ABI2: variants seen among roughly 807,000 people sequenced by gnomAD.
The protein encoded by ABI2 is abl interactor 2, also known as abelson interactor 2.
ABI2 carries 25 observed loss-of-function variants against 59.2 expected under a neutral mutation model. The ratio of observed to expected loss-of-function variants is 0.42; its 90% CI spans 0.31 to 0.59. ABI2 has a LOEUF of 0.59. ABI2 is among the 20% of genes least tolerant of loss of function. The pLI is 0.14. For missense variants in ABI2, 545 were observed against 681.8 expected (o/e 0.80, Z 2.23); for synonymous variants, 213 against 235.5 (o/e 0.90, Z 0.87).
chr2:203,355,770 G>C (rs1559201700), intron 1 of ABI2, among the ~76,000 whole-genome samples: 1 of 147,596 alleles, frequency 6.8e-6, no homozygotes, highest in Non-Finnish European at 1.5e-5. Flanking sequence ...GGCAGAGGTT[G>C]CTGTGAGCCG....
intron 11 of ABI2, among the ~76,000 whole-genome samples, chr2:203,420,692 C>T (rs149243173): frequency 3.4e-4 from 51 of 152,048 alleles, no homozygotes; most frequent in African/African-American, 1.0e-3. Context: ...CACGCCCAGC[C>T]GACAGTCCCT....
At position 203,359,198 on chromosome 2, in the gene ABI2, C is replaced by A. The variant is rs533371800; in HGVS notation, c.118-7679C>A. Among the ~76,000 whole-genome samples the A allele has an allele frequency of 4.3e-4, 65 of 152,288 alleles. 1 individual carries two copies. The South Asian group carries it at 7.2e-3, about 17-fold the overall frequency. On this transcript the variant is annotated intron_variant, in intron 1 of 11. Coordinates refer to ENST00000261018, the MANE Select transcript of ABI2 (RefSeq NM_001375670.1). ...CTTTTTAATCAAGATGCTTCTGAGACAAATGTGATCTGCTATGACAGATTA... is the reference window on the plus strand; with the variant it reads ...CTTTTTAATCAAGATGCTTCTGAGAAAAATGTGATCTGCTATGACAGATTA...
chr2:203,421,663 A>C (rs2098212076), intron 11 of ABI2, among the ~76,000 whole-genome samples: 1 of 152,180 alleles, frequency 6.6e-6, no homozygotes, highest in Admixed American at 6.5e-5. Context: ...AGCAGTACTT[A>C]AGATTAGAAA....
chr2:203,416,993 C>G lies in ABI2; in HGVS notation c.1365C>G (p.Tyr455Ter). 6.2e-7 allele frequency: 1 copy of G among 1,614,042 alleles called. No individual in the cohort carries two copies. The highest frequency in any genetic ancestry group is 8.5e-7 in the Non-Finnish European group (1 of 1,179,982). ...SPPPPPPPED[Y>*]EEEEAAVVEY... ...CACCTCCTCCTCCTCCAGAAGATTA[C>G]GAAGAGGAGGAAGCTGCTGTGGTTG... Residue 455 changes from tyrosine (Y) to a stop codon, truncating the protein, a stop_gained, in exon 11 of 12, where the codon TAC (tyrosine) becomes TAG (stop). Transcript: ENST00000261018. LOFTEE classifies it high-confidence loss of function.
At chr2:203,345,035 G>A (rs1165516431) in intron 1 of ABI2, among the ~76,000 whole-genome samples, 2 of 152,170 alleles carry the variant, frequency 1.3e-5, no homozygotes, top group Non-Finnish European at 2.9e-5. Flanking sequence ...CTGGCTGCCG[G>A]AGCCCGCAGT....
At chr2:203,378,214 G>A (rs538310016) in intron 2 of ABI2, among the ~76,000 whole-genome samples, 4 of 151,418 alleles carry the variant, frequency 2.6e-5, no homozygotes, top group Admixed American at 6.6e-5. Flanking sequence ...CTGGGTTCAC[G>A]CCATTCTCCT....
Position 203,413,816 on chromosome 2 carries a change from TC to T in ABI2, c.1279+2447del, listed in dbSNP as rs552648175. The stretch of plus-strand genomic sequence containing the variant: ...TCCAGGTATATTATTTTGAAGATAT[TC>T]CTTGGTAGCAAATACTCACTCTGCA... On this transcript the variant is annotated intron_variant, in intron 10 of 11. Coordinates refer to ENST00000261018, the MANE Select transcript of ABI2 (RefSeq NM_001375670.1). Among the ~76,000 whole-genome samples the T allele has an allele frequency of 2.1e-3, 327 of 152,336 alleles. 2 individuals are homozygous for T. The highest frequency in any genetic ancestry group is 7.3e-3 in the African/African-American group (305 of 41,574).
chr2:203,353,586 T>G (rs1322927940), intron 1 of ABI2, among the ~76,000 whole-genome samples: 1 of 151,678 alleles, frequency 6.6e-6, no homozygotes, highest in African/African-American at 2.4e-5. Flanking sequence ...CTCAAGTGAT[T>G]CTCCTGCCTC....
intron 4 of ABI2, among the ~76,000 whole-genome samples, chr2:203,386,055 T>C (rs768897142): frequency 6.6e-6 from 1 of 152,230 alleles, no homozygotes; most frequent in Admixed American, 6.5e-5. Flanking sequence ...TTTGGTCCTT[T>C]TCCTGGTGTC....
At chr2:203,356,054 T>C (rs1182872007) in intron 1 of ABI2, among the ~76,000 whole-genome samples, 6 of 152,224 alleles carry the variant, frequency 3.9e-5, no homozygotes, top group South Asian at 2.1e-4. Flanking sequence ...ATAGTTTTTT[T>C]TCTCTCTCTC....
intron 11 of ABI2, 78 bp downstream of exon 11, chr2:203,417,159 CT>C: frequency 8.1e-7 from 1 of 1,241,118 alleles, no homozygotes; most frequent in African/African-American, 1.5e-5. Flanking sequence ...TGAAGAGAAT[CT>C]TATTTTCTAC....
chr2:203,423,724 T>A (rs2098319665), intron 11 of ABI2, among the ~76,000 whole-genome samples: 1 of 152,184 alleles, frequency 6.6e-6, no homozygotes, highest in Admixed American at 6.5e-5. Flanking sequence ...CCCAGCCCAA[T>A]CTGGGTCCTT....
chr2:203,328,722 A>C (rs924752456), intron 1 of ABI2, 91 bp downstream of exon 1: 201 of 786,988 alleles, frequency 2.6e-4, no homozygotes, highest in Non-Finnish European at 3.4e-4. Flanking sequence ...CCTCGGGGAC[A>C]CGGCCCAGCG....
chr2:203,329,299 C>G (rs1450092376), intron 1 of ABI2: 1 of 81,170 alleles, frequency 1.2e-5, no homozygotes, highest in Non-Finnish European at 3.8e-5. Context: ...CAGACTATGA[C>G]TGTTTCTTAG....
chr2:203,386,554 AC>A, intron 4 of ABI2: 2 of 567,432 alleles, frequency 3.5e-6, no homozygotes, highest in South Asian at 7.8e-5. Context: ...ATAGAGAAAA[AC>A]CAGCTCAGGT....
intron 8 of ABI2, among the ~76,000 whole-genome samples, chr2:203,400,448 G>A (rs2097175823): frequency 6.6e-6 from 1 of 152,144 alleles, no homozygotes; most frequent in South Asian, 2.1e-4. Flanking sequence ...TAATCCAGAT[G>A]TTTTTAACTT....
chr2:203,356,976 G>C (rs1487074280), intron 1 of ABI2, among the ~76,000 whole-genome samples: 1 of 151,950 alleles, frequency 6.6e-6, no homozygotes, highest in Non-Finnish European at 1.5e-5. Flanking sequence ...GAATGTTAAA[G>C]GCAAATGAGT....
At chr2:203,372,913 G>A (rs2095385611) in intron 2 of ABI2, among the ~76,000 whole-genome samples, 1 of 152,106 alleles carries the variant, frequency 6.6e-6, no homozygotes, top group Admixed American at 6.6e-5. Context: ...TGGGCGGCTG[G>A]GCAGAGACGC....
rs547311469 is a variant in ABI2, at chr2:203,346,481, G to C, written c.117+17850G>C. On this transcript the variant is annotated intron_variant, in intron 1 of 11. Coordinates refer to ENST00000261018, the MANE Select transcript of ABI2 (RefSeq NM_001375670.1). ...ACATCAGCTGTAAGAAGGAAGGTGA[G>C]AATTTGAGAAATACTGGTCTGTGTT... is the stretch of plus-strand genomic sequence containing the variant. Among the ~76,000 whole-genome samples the C allele has an allele frequency of 3.3e-5, 5 of 152,372 alleles. No individual in the cohort carries two copies. The South Asian group carries it at 8.3e-4, about 25-fold the overall frequency.
Sources: gnomAD v4.1 joint callset for allele counts (sites outside exome capture counted in the v4.1 genomes callset) on GRCh38, gnomAD v4.1.1 for gene constraint, MANE v1.5 for transcripts, NCBI Gene and HGNC (gene_info 2026-07-23, HGNC 2026-07-21) for gene names.